The following GRM8 variants were observed in gnomAD, a reference collection of about 807,000 sequenced individuals.
GRM8 encodes metabotropic glutamate receptor 8.
GRM8 carries 47 observed loss-of-function variants against 87.2 expected under a neutral mutation model. That is an observed-to-expected ratio of 0.54 (90% CI 0.43 to 0.69). The LOEUF (loss-of-function observed/expected upper bound fraction) is 0.69. Among genes scored for constraint, GRM8 ranks in the 30% least tolerant of loss-of-function variants. The pLI is 0.00. For missense variants in GRM8, 1,019 were observed against 1,139.2 expected (o/e 0.89, Z 1.52); for synonymous variants, 396 against 404.5 (o/e 0.98, Z 0.25).
chr7:126,995,913 A>T (rs1046368158), intron 3 of GRM8, among the ~76,000 whole-genome samples: 1 of 152,130 alleles, frequency 6.6e-6, no homozygotes, highest in Non-Finnish European at 1.5e-5. Context: ...ACCTAAAGGC[A>T]TTTAATAATC....
At chr7:126,975,079 C>T (rs532921546) in intron 3 of GRM8, among the ~76,000 whole-genome samples, 3 of 151,728 alleles carry the variant, frequency 2.0e-5, no homozygotes, top group Non-Finnish European at 4.4e-5. Context: ...GAATATAACC[C>T]AATATCATAA....
rs1381029161 is a variant in GRM8, at chr7:127,067,093, T to G, written c.727+39403A>C. Among the ~76,000 whole-genome samples, 3 of 152,190 alleles carry G rather than the reference T, an allele frequency of 2.0e-5. No homozygotes were observed. In the East Asian group the frequency reaches 5.8e-4, roughly 29 times the overall value. On this transcript the variant is annotated intron_variant, in intron 3 of 10. Coordinates refer to ENST00000339582, the MANE Select transcript of GRM8 (RefSeq NM_000845.3). ...ATAAAGGCCCAAATGCCAACGGGCT[T>G]TCTAAAGTAGGCTCTCTCCATTCCA...
At chr7:126,465,250 T>C (rs1804354313) in intron 9 of GRM8, 1 of 151,748 alleles carries the variant, frequency 6.6e-6, no homozygotes, top group African/African-American at 2.4e-5. Context: ...TGGTAGTATA[T>C]GTCTTCCAAC....
At chr7:126,450,369 T>C (rs1166012780) in intron 9 of GRM8, among the ~76,000 whole-genome samples, 1 of 151,848 alleles carries the variant, frequency 6.6e-6, no homozygotes, top group Non-Finnish European at 1.5e-5. Flanking sequence ...TCAGTATTTA[T>C]TCCTGACTAT....
intron 7 of GRM8, among the ~76,000 whole-genome samples, chr7:126,718,845 G>T (rs540487680): frequency 6.6e-6 from 1 of 152,166 alleles, no homozygotes; most frequent in Admixed American, 6.5e-5. Flanking sequence ...TTCTCATGAG[G>T]GTAGCTCCAA....
intron 8 of GRM8, among the ~76,000 whole-genome samples, chr7:126,555,366 G>A (rs1432146709): frequency 6.6e-6 from 1 of 152,190 alleles, no homozygotes; most frequent in Non-Finnish European, 1.5e-5. Flanking sequence ...CTAAGGGGTA[G>A]GCAGAATAAC....
At chr7:126,723,905 G>C (rs1435748084) in intron 7 of GRM8, among the ~76,000 whole-genome samples, 1 of 152,116 alleles carries the variant, frequency 6.6e-6, no homozygotes, top group Non-Finnish European at 1.5e-5. Flanking sequence ...GAAAAAATCA[G>C]AAACTGTTAA....
In GRM8 at chr7:127,028,972, T is replaced by C. The variant is rs544246542; in HGVS notation, c.727+77524A>G. ...TTTCCTGCTTTCTTTTGTGGGCATT[T>C]AGTGCTATAAATTTCCCTCTACACA... On this transcript the variant is annotated intron_variant, in intron 3 of 10. Transcript: ENST00000339582. Among the ~76,000 whole-genome samples, 49 of 152,312 alleles carry C rather than the reference T, an allele frequency of 3.2e-4. 1 individual carries two copies. The South Asian group carries it at 0.01, about 32-fold the overall frequency.
At chr7:126,647,806 C>T (rs766834910) in intron 7 of GRM8, among the ~76,000 whole-genome samples, 27 of 152,070 alleles carry the variant, frequency 1.8e-4, no homozygotes, top group Non-Finnish European at 2.8e-4. Context: ...ACAAATGCAC[C>T]GAAACATCTG....
At chr7:127,020,008 T>G (rs1816098140) in intron 3 of GRM8, among the ~76,000 whole-genome samples, 1 of 152,040 alleles carries the variant, frequency 6.6e-6, no homozygotes, top group African/African-American at 2.4e-5. Flanking sequence ...GCTAGTAAAA[T>G]TCATTCCTAC....
At chr7:126,992,806 CGTGTGTGT>C (rs34876222) in intron 3 of GRM8, among the ~76,000 whole-genome samples, 1 of 147,326 alleles carries the variant, frequency 6.8e-6, no homozygotes, top group South Asian at 2.2e-4. Context: ...TCTCTCTCTC[CGTGTGTGT>C]GTGTGTGTGT....
At position 126,701,112 on chromosome 7, in the gene GRM8, C is replaced by T. The variant is rs140402706; in HGVS notation, c.1357+68753G>A. Among the ~76,000 whole-genome samples, 427 of 152,126 alleles carry T rather than the reference C, an allele frequency of 2.8e-3. 7 individuals carry two copies. The highest frequency in any genetic ancestry group is 9.8e-3 in the African/African-American group (406 of 41,500). On this transcript the variant is annotated intron_variant, in intron 7 of 10. Coordinates refer to ENST00000339582, the MANE Select transcript of GRM8 (RefSeq NM_000845.3). ...ACAGTACACTGGGCAGAGTGCTAGG[C>T]TCTTCACTGAAAACACTTCAAAGTA... is the stretch of plus-strand genomic sequence containing the variant.
chr7:127,039,949 A>G (rs965419403), intron 3 of GRM8, among the ~76,000 whole-genome samples: 1 of 40,574 alleles, frequency 2.5e-5, no homozygotes, highest in Non-Finnish European at 4.5e-5. Flanking sequence ...AAGGGAGGGG[A>G]GGGGATGGGG....
Position 127,055,066 on chromosome 7 carries a change from TCA to T in GRM8, c.727+51428_727+51429del, listed in dbSNP as rs1819855009. On this transcript the variant is annotated intron_variant, in intron 3 of 10. Transcript: ENST00000339582. ...CTGTAATAATAGAAATAAAATTTTC[TCA>T]GAGAGGTGAGATTATAGGCCTGCTC... Among the ~76,000 whole-genome samples, 4 of 152,236 alleles carry T rather than the reference TCA, an allele frequency of 2.6e-5. No individual in the cohort carries two copies. In the South Asian group the frequency reaches 8.3e-4, roughly 32 times the overall value.
intron 8 of GRM8, among the ~76,000 whole-genome samples, chr7:126,597,520 A>G (rs1797318340): frequency 6.6e-6 from 1 of 152,122 alleles, no homozygotes; most frequent in Admixed American, 6.6e-5. Flanking sequence ...TTATGTTTAT[A>G]ACCTTATTTT....
intron 6 of GRM8, among the ~76,000 whole-genome samples, chr7:126,812,380 T>C (rs1793381454): frequency 6.6e-6 from 1 of 152,012 alleles, no homozygotes. Context: ...GGCTATGTGG[T>C]ACACCCTAGC....
intron 8 of GRM8, among the ~76,000 whole-genome samples, chr7:126,563,423 C>T (rs1239346142): frequency 6.6e-6 from 1 of 151,952 alleles, no homozygotes; most frequent in East Asian, 1.9e-4. Flanking sequence ...CCAGGTAAAT[C>T]CTAAAGCTGA....
At chr7:126,781,537 G>A (rs1339737206) in intron 6 of GRM8, among the ~76,000 whole-genome samples, 1 of 152,092 alleles carries the variant, frequency 6.6e-6, no homozygotes, top group East Asian at 1.9e-4. Flanking sequence ...GTGATGACCT[G>A]CTTTAAATAT....
chr7:127,134,003 T>C (rs1015025686), intron 2 of GRM8, among the ~76,000 whole-genome samples: 5 of 152,188 alleles, frequency 3.3e-5, no homozygotes, highest in African/African-American at 1.2e-4. Context: ...CCGCATTTTA[T>C]CTCTGTGAGT....
Sources: allele counts gnomAD v4.1 joint callset (sites outside exome capture counted in the v4.1 genomes callset), GRCh38; gene constraint gnomAD v4.1.1; transcripts MANE v1.5; gene names NCBI Gene and HGNC (gene_info 2026-07-23, HGNC 2026-07-21).